Variants in THEMIS observed in about 807,000 individuals in gnomAD.
THEMIS encodes the protein protein THEMIS.
Under a neutral mutation model 52.6 loss-of-function variants are expected in THEMIS, and 37 were observed. The observed-to-expected ratio is 0.70, with a 90% CI of 0.54 to 0.93. THEMIS has a LOEUF of 0.93. Among genes scored for constraint, THEMIS ranks in the 40% least tolerant of loss-of-function variants. The probability of loss-of-function intolerance (pLI) is 0.00; values close to 1 mark genes in which losing one functional copy is unlikely to be tolerated. For synonymous variants in THEMIS, 292 were observed against 272.7 expected, an observed-to-expected ratio of 1.07 and a Z score of -0.70; for missense variants, 808 against 763.1, an observed-to-expected ratio of 1.06 and a Z score of -0.69.
intron 4 of THEMIS, among the ~76,000 whole-genome samples, chr6:127,722,314 C>T (rs1338518635): frequency 6.6e-6 from 1 of 152,014 alleles, no homozygotes; most frequent in East Asian, 1.9e-4. Flanking sequence ...CACACTCGCT[C>T]TTCCTTGTTT....
chr6:127,904,075 A>T (rs1412126420), upstream of THEMIS, among the ~76,000 whole-genome samples: 3 of 152,058 alleles, frequency 2.0e-5, no homozygotes, highest in Non-Finnish European at 4.4e-5. Context: ...AGAAGGCAAA[A>T]ACTGGTGGCT....
intron 2 of THEMIS, among the ~76,000 whole-genome samples, chr6:127,847,874 C>T (rs1404760760): frequency 2.7e-5 from 4 of 148,642 alleles, no homozygotes; most frequent in South Asian, 2.1e-4. Flanking sequence ...GGAGGGATCA[C>T]GTTACTCAAT....
chr6:127,909,441 C>T (rs1023461546), intron 1 of THEMIS, among the ~76,000 whole-genome samples: 8 of 152,068 alleles, frequency 5.3e-5, no homozygotes, highest in Non-Finnish European at 1.2e-4. Context: ...AGGAGCTTCC[C>T]CCTTCACTTG....
intron 1 of THEMIS, among the ~76,000 whole-genome samples, chr6:127,863,270 C>T (rs1006215509): frequency 6.6e-6 from 1 of 152,150 alleles, no homozygotes; most frequent in Non-Finnish European, 1.5e-5. Context: ...AATTTAAATA[C>T]TCTTTTATCC....
At chr6:127,847,313 G>T (rs1418593899) in intron 2 of THEMIS, among the ~76,000 whole-genome samples, 1 of 151,898 alleles carries the variant, frequency 6.6e-6, no homozygotes, top group East Asian at 1.9e-4. Flanking sequence ...GAAATAAAGG[G>T]CATCCAAATT....
At chr6:127,738,733 G>A (rs17054989) in intron 4 of THEMIS, among the ~76,000 whole-genome samples, 13,575 of 152,160 alleles carry the variant, frequency 0.089, 1,065 homozygotes, top group East Asian at 0.35. Flanking sequence ...TTTAGCCCTT[G>A]AGACATAAGT....
downstream of THEMIS, among the ~76,000 whole-genome samples, chr6:127,705,501 C>T (rs1773788255): frequency 1.3e-5 from 2 of 152,204 alleles, no homozygotes; most frequent in South Asian, 4.1e-4. Flanking sequence ...GATAAGTTAC[C>T]ATCCATTGAA....
intron 3 of THEMIS, among the ~76,000 whole-genome samples, chr6:127,823,847 T>C (rs1052763469): frequency 1.3e-5 from 2 of 152,078 alleles, no homozygotes; most frequent in African/African-American, 2.4e-5. Context: ...AAAAGAAAGT[T>C]TTTTAAAAAA....
At chr6:127,795,340 A>T (rs560821048) in intron 4 of THEMIS, among the ~76,000 whole-genome samples, 21 of 152,194 alleles carry the variant, frequency 1.4e-4, no homozygotes, top group South Asian at 4.1e-4. Flanking sequence ...TATTATTATT[A>T]TTTTTTGAGA....
At chr6:127,815,514 C>A (rs1376034532) in intron 3 of THEMIS, among the ~76,000 whole-genome samples, 1 of 151,444 alleles carries the variant, frequency 6.6e-6, no homozygotes, top group Non-Finnish European at 1.5e-5. Flanking sequence ...GTATTATTTT[C>A]TTGTAAAAAA....
At chr6:127,728,731 G>A (rs1278410440) in intron 4 of THEMIS, among the ~76,000 whole-genome samples, 1 of 152,098 alleles carries the variant, frequency 6.6e-6, no homozygotes, top group East Asian at 1.9e-4. Context: ...GGGATTGGGG[G>A]TGAGGTGGCC....
chr6:127,880,207 CAG>C (rs1380709136), intron 1 of THEMIS, among the ~76,000 whole-genome samples: 1 of 152,012 alleles, frequency 6.6e-6, no homozygotes, highest in Non-Finnish European at 1.5e-5. Flanking sequence ...TTGCGTCAAA[CAG>C]TACATTAAAA....
intron 3 of THEMIS, among the ~76,000 whole-genome samples, chr6:127,816,216 A>G (rs768772641): frequency 1.4e-4 from 22 of 151,912 alleles, no homozygotes; most frequent in Non-Finnish European, 2.9e-4. Context: ...TCTTCTCCCT[A>G]TACACCACCC....
intron 3 of THEMIS, among the ~76,000 whole-genome samples, chr6:127,822,182 T>G (rs758139902): frequency 3.3e-5 from 5 of 152,188 alleles, no homozygotes; most frequent in Non-Finnish European, 7.4e-5. Flanking sequence ...ATTACAATCC[T>G]TATTATAGGG....
In THEMIS at chr6:127,912,164, A is replaced by C. The variant is rs1176118093; in HGVS notation, c.-150+6264T>G. Among the ~76,000 whole-genome samples, 5 of 152,264 alleles carry C rather than the reference A, an allele frequency of 3.3e-5. No individual in the cohort carries two copies. The East Asian group carries it at 9.7e-4, about 29-fold the overall frequency. On this transcript the variant is annotated intron_variant, in intron 1 of 6. Transcript: ENST00000368250. ...TCAAAGGAAATCATTTTGGAACTTT[A>C]AGGTTTAATGACTGCCCTATTGGAT...
chr6:127,788,565 T>C (rs1030557402), intron 4 of THEMIS, among the ~76,000 whole-genome samples: 28 of 152,338 alleles, frequency 1.8e-4, no homozygotes, highest in African/African-American at 6.5e-4. Flanking sequence ...TTACGGACAG[T>C]AAGAAGGTAC....
At chr6:127,779,512 C>T (rs996511419) in intron 4 of THEMIS, among the ~76,000 whole-genome samples, 1 of 152,068 alleles carries the variant, frequency 6.6e-6, no homozygotes, top group African/African-American at 2.4e-5. Flanking sequence ...TTTTATTTTG[C>T]TCATTCATTT....
chr6:127,878,964 GAA>G (rs1780396456), intron 1 of THEMIS, among the ~76,000 whole-genome samples: 1 of 152,238 alleles, frequency 6.6e-6, no homozygotes, highest in East Asian at 1.9e-4. Flanking sequence ...TTTCTAGTAA[GAA>G]GAGAAATTTC....
intron 5 of THEMIS, among the ~76,000 whole-genome samples, chr6:127,718,864 A>G (rs1253930351): frequency 6.6e-6 from 1 of 151,830 alleles, no homozygotes; most frequent in African/African-American, 2.4e-5. Flanking sequence ...ACATGAAAGA[A>G]CCCAGATTGT....
Sources: gnomAD v4.1 joint callset for allele counts (sites outside exome capture counted in the v4.1 genomes callset) on GRCh38, gnomAD v4.1.1 for gene constraint, MANE v1.5 for transcripts, NCBI Gene and HGNC (gene_info 2026-07-23, HGNC 2026-07-21) for gene names.